The following DISC1 variants were observed in gnomAD, a reference collection of about 807,000 sequenced individuals.
The protein encoded by DISC1 is DISC1 scaffold protein.
In DISC1, 57 loss-of-function variants were observed where a neutral mutation model predicts 84.5. The observed-to-expected ratio is 0.67, with a 90% CI of 0.55 to 0.84. The LOEUF (loss-of-function observed/expected upper bound fraction) is 0.84. Ranked by LOEUF, DISC1 falls within the 40% of genes least tolerant of loss-of-function variation. The pLI is 0.00. For synonymous variants in DISC1, 411 were observed against 415.2 expected, an observed-to-expected ratio of 0.99 and a Z score of 0.12; for missense variants, 1,000 against 1,057.8, an observed-to-expected ratio of 0.95 and a Z score of 0.76.
At chr1:231,762,082 CTTTCTCT>C (rs1435999439) in intron 4 of DISC1, among the ~76,000 whole-genome samples, 1 of 151,788 alleles carries the variant, frequency 6.6e-6, no homozygotes, top group East Asian at 1.9e-4. Flanking sequence ...ATCTTTTTTT[CTTTCTCT>C]TTTCTTTTTT....
chr1:232,000,723 C>G (rs1339615432), intron 10 of DISC1, among the ~76,000 whole-genome samples: 1 of 151,990 alleles, frequency 6.6e-6, no homozygotes, highest in Non-Finnish European at 1.5e-5. Context: ...TATAGGGAAA[C>G]AAAATTTCAA....
intron 9 of DISC1, among the ~76,000 whole-genome samples, chr1:231,907,247 A>G (rs562576662): frequency 2.0e-4 from 30 of 150,906 alleles, no homozygotes; most frequent in Non-Finnish European, 3.8e-4. Flanking sequence ...TACATGTGCC[A>G]TGTTGGTGTG....
At chr1:231,733,778 T>C (rs1456212643) in intron 3 of DISC1, among the ~76,000 whole-genome samples, 2 of 145,554 alleles carry the variant, frequency 1.4e-5, no homozygotes, top group Non-Finnish European at 3.0e-5. Context: ...GTGGTGGTGG[T>C]GGTGATTGTG....
chr1:231,636,695 C>T (rs1406385434), intron 1 of DISC1, among the ~76,000 whole-genome samples: 1 of 152,106 alleles, frequency 6.6e-6, no homozygotes, highest in Non-Finnish European at 1.5e-5. Context: ...AGAACAGGCT[C>T]AGTGGAAACA....
intron 3 of DISC1, among the ~76,000 whole-genome samples, chr1:231,733,828 C>T (rs1039751426): frequency 7.5e-5 from 10 of 133,734 alleles, no homozygotes; most frequent in East Asian, 2.3e-4. Flanking sequence ...GGTGGTGGTA[C>T]GAGTTATGGT....
intron 9 of DISC1, among the ~76,000 whole-genome samples, chr1:231,943,122 A>G (rs572979136): frequency 1.3e-5 from 2 of 152,286 alleles, no homozygotes; most frequent in African/African-American, 2.4e-5. Context: ...TTTCAGAGAT[A>G]AATCAGTCTA....
chr1:231,873,960 T>C (rs1247130621), intron 9 of DISC1, among the ~76,000 whole-genome samples: 1 of 152,108 alleles, frequency 6.6e-6, no homozygotes, highest in Non-Finnish European at 1.5e-5. Flanking sequence ...GCAACTCTCC[T>C]GCCTCGGCCT....
At chr1:231,947,678 G>T (rs1657499326) in intron 9 of DISC1, among the ~76,000 whole-genome samples, 1 of 152,194 alleles carries the variant, frequency 6.6e-6, no homozygotes, top group Non-Finnish European at 1.5e-5. Flanking sequence ...GCAACCTACA[G>T]AATGGGGGAA....
chr1:231,963,367 C>T lies in DISC1; in HGVS notation c.2042+4479C>T, dbSNP rs372550476. Among the ~76,000 whole-genome samples the T allele has an allele frequency of 3.2e-3, 493 of 152,168 alleles. 4 individuals carry two copies. Among genetic ancestry groups the T allele is most frequent in the African/African-American group, 0.011 (462 of 41,524 alleles). ...TTGCTGATATTTCACCATTTTTGAC[C>T]TAGAAAAATGACAATTTCATATAGT... On this transcript the variant is annotated intron_variant, in intron 10 of 12. Transcript: ENST00000439617.
intron 3 of DISC1, chr1:231,722,895 T>C (rs2070034085): frequency 7.6e-7 from 1 of 1,322,260 alleles, no homozygotes; most frequent in African/African-American, 1.5e-5. Flanking sequence ...TATTGTTCTG[T>C]GTTGGGACAA....
At chr1:231,665,419 A>C (rs111649464) in intron 1 of DISC1, among the ~76,000 whole-genome samples, 1 of 152,258 alleles carries the variant, frequency 6.6e-6, no homozygotes, top group Non-Finnish European at 1.5e-5. Flanking sequence ...AAAAGTCATG[A>C]CATTACAAGT....
rs1164045915 is a variant in DISC1, at chr1:231,694,033, G to A, written c.275G>A (p.Gly92Asp). The change falls in exon 2 of 13, where the codon GGC becomes GAC. Residue 92 changes from glycine to aspartate, a missense_variant. Gly to Asp is a moderately conservative substitution (Grantham distance 94, BLOSUM62 -1). This residue lies in a region of DISC1 where 292 missense variants were observed against 280.2 expected (regional missense o/e 1.04). Transcript: ENST00000439617. ...AGACAGTGTGGCCTTGACTCGAGAG[G>A]CCTCTTGGTCCGGAGCCCTGTTTCC... ...RARQCGLDSR[G>D]LLVRSPVSKS... 5.6e-6 allele frequency: 9 copies of A among 1,614,052 alleles called. No homozygotes were observed. Among genetic ancestry groups the A allele is most frequent in the Non-Finnish European group, 7.6e-6 (9 of 1,180,040 alleles).
intron 3 of DISC1, among the ~76,000 whole-genome samples, chr1:231,711,305 G>T (rs1486811922): frequency 1.3e-5 from 2 of 148,460 alleles, no homozygotes; most frequent in African/African-American, 4.9e-5. Flanking sequence ...GCTACCATTA[G>T]AATTGATTTT....
At chr1:231,988,154 C>T (rs1250161737) in intron 10 of DISC1, among the ~76,000 whole-genome samples, 1 of 152,120 alleles carries the variant, frequency 6.6e-6, no homozygotes, top group Non-Finnish European at 1.5e-5. Flanking sequence ...CCACTGCACT[C>T]CAGCCTGGGC....
Position 231,771,028 on chromosome 1 carries a change from G to A in DISC1, c.1592G>A (p.Gly531Asp). 2 of 1,610,818 alleles carry A rather than the reference G, an allele frequency of 1.2e-6. No individual in the cohort carries two copies. Among genetic ancestry groups the A allele is most frequent in the Non-Finnish European group, 1.7e-6 (2 of 1,178,426 alleles). ...TTGCAGGACACCCTGGCCTCAGCCG[G>A]TCAGATTCCCTTCCATGCAGAGCCA... ...KALQDTLASA[G>D]QIPFHAEPPE... Residue 531 changes from glycine to aspartate, a missense_variant, in exon 6 of 13, where the codon GGT becomes GAT. This residue lies in a region of DISC1 where 397 missense variants were observed against 377.5 expected (regional missense o/e 1.05). Transcript: ENST00000439617.
chr1:231,950,122 T>C (rs1470201910), intron 9 of DISC1, among the ~76,000 whole-genome samples: 1 of 152,076 alleles, frequency 6.6e-6, no homozygotes, highest in East Asian at 1.9e-4. Context: ...ACAAGTTGTT[T>C]AAGAAGATAG....
intron 9 of DISC1, among the ~76,000 whole-genome samples, chr1:231,884,308 T>C (rs949061652): frequency 6.6e-6 from 1 of 152,234 alleles, no homozygotes; most frequent in African/African-American, 2.4e-5. Flanking sequence ...CCATGTGTAC[T>C]CAATGTTTAG....
intron 9 of DISC1, chr1:231,940,816 C>G (rs1445252689): frequency 1.3e-5 from 2 of 152,246 alleles, no homozygotes; most frequent in African/African-American, 4.8e-5. Flanking sequence ...GAGACTCTGC[C>G]TTCAACATTT....
At chr1:231,750,448 T>C (rs763324965) in intron 4 of DISC1, 97 of 1,012,214 alleles carry the variant, frequency 9.6e-5, no homozygotes, top group Non-Finnish European at 1.1e-4. Flanking sequence ...GATGGTCCCC[T>C]CTGACCGAGC....
Sources: gnomAD v4.1 joint callset for allele counts (sites outside exome capture counted in the v4.1 genomes callset) on GRCh38, gnomAD v4.1.1 for gene constraint, gnomAD v4.1.1 regional missense constraint, MANE v1.5 for transcripts, NCBI Gene and HGNC (gene_info 2026-07-23, HGNC 2026-07-21) for gene names.